The following TRIM9 variants were observed in gnomAD, a reference collection of about 807,000 sequenced individuals.
TRIM9 encodes the protein E3 ubiquitin-protein ligase TRIM9.
TRIM9 carries 26 observed loss-of-function variants against 78.3 expected under a neutral mutation model. The observed-to-expected ratio is 0.33, with a 90% CI of 0.24 to 0.46. The LOEUF is 0.46. Ranked by LOEUF, TRIM9 falls within the 20% of genes least tolerant of loss-of-function variation. The probability of loss-of-function intolerance (pLI) is 1.00; values close to 1 mark genes in which losing one functional copy is unlikely to be tolerated. For synonymous variants in TRIM9, 398 were observed against 416.5 expected (o/e 0.96, Z 0.54); for missense variants, 787 against 1,036.4 (o/e 0.76, Z 3.30).
intron 7 of TRIM9, chr14:50,997,035 TCTTGAA>T: frequency 1.0e-6 from 1 of 985,400 alleles, no homozygotes; most frequent in Non-Finnish European, 1.2e-6. Flanking sequence ...TTAGCTAACA[TCTTGAA>T]CTTGAACAAA....
At chr14:51,057,327 T>C (rs930429460) in intron 1 of TRIM9, among the ~76,000 whole-genome samples, 1 of 152,232 alleles carries the variant, frequency 6.6e-6, no homozygotes, top group Non-Finnish European at 1.5e-5. Context: ...TTTTGTCTTC[T>C]AAAATAATCC....
chr14:51,056,934 A>G (rs546208503), intron 1 of TRIM9, among the ~76,000 whole-genome samples: 12 of 152,224 alleles, frequency 7.9e-5, no homozygotes, highest in Non-Finnish European at 1.8e-4. Flanking sequence ...GATTTCAGGC[A>G]ATATCTTGTA....
In TRIM9 at chr14:50,981,917, C is replaced by T; in HGVS notation, c.2045G>A (p.Gly682Asp). Residue 682 changes from glycine (G) to aspartate (D), a missense_variant, in exon 11 of 13, where the codon GGT becomes GAT. Around this residue, in one of 3 missense-constraint regions of TRIM9, gnomAD observed 421 missense variants for 514.3 expected, o/e 0.82. Transcript: ENST00000684578. ...RYDNHPDPAFGVARMDVMKDV... is the reference protein window; with the variant it reads ...RYDNHPDPAFDVARMDVMKDV... The stretch of plus-strand genomic sequence containing the variant: ...CTTCATCACGTCCATGCGAGCCACA[C>T]CAAAGGCAGGATCAGGGTGGTTGTC... 6.2e-7 allele frequency: 1 copy of T among 1,614,162 alleles called. No individual in the cohort carries two copies. Among genetic ancestry groups the T allele is most frequent in the Non-Finnish European group, 8.5e-7 (1 of 1,180,030 alleles).
At chr14:51,081,479 A>G (rs2140308567) in intron 1 of TRIM9, among the ~76,000 whole-genome samples, 1 of 152,354 alleles carries the variant, frequency 6.6e-6, no homozygotes, top group South Asian at 2.1e-4. Flanking sequence ...ATGTGACTCA[A>G]CAATTCCACT....
intron 1 of TRIM9, among the ~76,000 whole-genome samples, chr14:51,073,896 C>T (rs1214897251): frequency 6.6e-6 from 1 of 152,152 alleles, no homozygotes; most frequent in Admixed American, 6.5e-5. Flanking sequence ...ATAGGATATA[C>T]AGCCAAAGAA....
Position 50,977,168 on chromosome 14 carries a change from CTT to C in TRIM9, c.*121_*122del. On this transcript the variant is annotated 3_prime_UTR_variant, in exon 13 of 13. Transcript: ENST00000684578. ...GGGTGTAAAGACTGCAGAGGACCAG[CTT>C]TTCTCTCCTCCTTCTCCCACTCCTG... 1.4e-6 allele frequency: 1 copy of C among 692,166 alleles called. No homozygotes were observed. Among genetic ancestry groups the C allele is most frequent in the Non-Finnish European group, 2.2e-6 (1 of 464,980 alleles). The allele number at this position is 692,166 out of a possible 1,614,324, so 42.9% of individuals were successfully genotyped here.
chr14:51,051,997 C>G (rs142195733), intron 1 of TRIM9, among the ~76,000 whole-genome samples: 1,144 of 111,842 alleles, frequency 0.01, 26 homozygotes, highest in African/African-American at 0.037. Context: ...GGGAAGGGAA[C>G]GGAAAGGAAA....
At chr14:51,028,972 C>T (rs1306860359) in intron 1 of TRIM9, among the ~76,000 whole-genome samples, 1 of 152,062 alleles carries the variant, frequency 6.6e-6, no homozygotes, top group Non-Finnish European at 1.5e-5. Context: ...CAGGCACTTA[C>T]CCTGGGACTG....
intron 1 of TRIM9, among the ~76,000 whole-genome samples, chr14:51,051,773 C>T (rs981308181): frequency 1.3e-5 from 2 of 151,970 alleles, no homozygotes; most frequent in South Asian, 4.1e-4. Flanking sequence ...TCAAGGCCAG[C>T]CTGGCCAACA....
intron 1 of TRIM9, among the ~76,000 whole-genome samples, chr14:51,045,247 G>A (rs1046040155): frequency 2.6e-5 from 4 of 152,188 alleles, no homozygotes; most frequent in Non-Finnish European, 5.9e-5. Context: ...GAGGAACTGA[G>A]ATATATGGGA....
intron 2 of TRIM9, among the ~76,000 whole-genome samples, chr14:51,023,820 T>C (rs1566588954): frequency 6.6e-6 from 1 of 152,146 alleles, no homozygotes; most frequent in Admixed American, 6.5e-5. Flanking sequence ...TATACGTTAG[T>C]AATACTTAAA....
intron 10 of TRIM9, chr14:50,982,350 T>C: frequency 1.8e-6 from 1 of 545,704 alleles, no homozygotes; most frequent in Non-Finnish European, 3.3e-6. Context: ...CCCAACCAGG[T>C]GATCCGGGAG....
chr14:51,056,888 G>A (rs559586193), intron 1 of TRIM9, among the ~76,000 whole-genome samples: 1 of 152,244 alleles, frequency 6.6e-6, no homozygotes, highest in East Asian at 1.9e-4. Flanking sequence ...CCAGCTTCTG[G>A]AATCATGAGG....
At chr14:51,062,190 G>C (rs2061402364) in intron 1 of TRIM9, among the ~76,000 whole-genome samples, 1 of 152,012 alleles carries the variant, frequency 6.6e-6, no homozygotes, top group South Asian at 2.1e-4. Context: ...TCACTCAACT[G>C]TTTATGCATG....
intron 1 of TRIM9, among the ~76,000 whole-genome samples, chr14:51,087,985 A>T (rs1344563498): frequency 1.3e-5 from 2 of 152,212 alleles, no homozygotes; most frequent in Non-Finnish European, 2.9e-5. Context: ...AGTTATTTAC[A>T]ATAGAAAGGG....
At chr14:50,984,117 T>C (rs1279936166) in intron 8 of TRIM9, among the ~76,000 whole-genome samples, 1 of 152,186 alleles carries the variant, frequency 6.6e-6, no homozygotes, top group Non-Finnish European at 1.5e-5. Flanking sequence ...CATGAGAAAT[T>C]ACATTGTGTG....
chr14:51,052,862 A>T (rs2060544451), intron 1 of TRIM9, among the ~76,000 whole-genome samples: 1 of 152,174 alleles, frequency 6.6e-6, no homozygotes. Context: ...CTGATGGAGA[A>T]AATTTGCCAT....
At chr14:51,006,995 T>A (rs959710489) in intron 5 of TRIM9, among the ~76,000 whole-genome samples, 2 of 152,180 alleles carry the variant, frequency 1.3e-5, no homozygotes, top group Non-Finnish European at 2.9e-5. Context: ...TCTACCATCC[T>A]GCCAACTGGC....
intron 7 of TRIM9, among the ~76,000 whole-genome samples, chr14:50,992,367 C>T (rs113821638): frequency 0.072 from 10,987 of 151,558 alleles, 842 homozygotes; most frequent in African/African-American, 0.19. Flanking sequence ...CGCTTGAGGC[C>T]GGGAGTTTGA....
Sources: gnomAD v4.1 joint callset for allele counts (sites outside exome capture counted in the v4.1 genomes callset) on GRCh38, gnomAD v4.1.1 for gene constraint, gnomAD v4.1.1 regional missense constraint, MANE v1.5 for transcripts, NCBI Gene and HGNC (gene_info 2026-07-23, HGNC 2026-07-21) for gene names.